SLC27A6: variants seen among roughly 807,000 people sequenced by gnomAD.
The protein encoded by SLC27A6 is solute carrier family 27 member 6, also known as long-chain fatty acid transport protein 6.
SLC27A6 carries 74 observed loss-of-function variants against 63.9 expected under a neutral mutation model. The observed-to-expected ratio is 1.16, with a 90% CI of 0.96 to 1.40. The LOEUF (loss-of-function observed/expected upper bound fraction) is 1.40, where lower values mean the gene tolerates loss of function less well. Ranked by LOEUF, SLC27A6 falls within the 40% of genes most tolerant of loss-of-function variation. The pLI is 0.00. For missense variants in SLC27A6, 794 were observed against 732.9 expected (o/e 1.08, Z -0.96); for synonymous variants, 287 against 260.8 (o/e 1.10, Z -0.97).
At position 128,967,102 on chromosome 5, in the gene SLC27A6, G is replaced by A. The variant is rs1749933065; in HGVS notation, c.481+484G>A. Among the ~76,000 whole-genome samples the A allele has an allele frequency of 4.6e-5, 7 of 152,268 alleles. No homozygotes were observed. The South Asian group carries it at 1.2e-3, about 27-fold the overall frequency. On this transcript the variant is annotated intron_variant, in intron 1 of 9. Coordinates refer to ENST00000262462, the MANE Select transcript of SLC27A6 (RefSeq NM_001017372.3). ...TTATTTTATACTGTCTGCAAGCTAG[G>A]ACTTGCCTAGCAAGGTTGCGCTCCC...
rs150433123 is a variant in SLC27A6 at position 129,002,306 on chromosome 5, G to T, written c.969+11842G>T. Among the ~76,000 whole-genome samples, 616 of 152,256 alleles carry T rather than the reference G, an allele frequency of 4.0e-3. 3 individuals are homozygous for T. The highest frequency in any genetic ancestry group is 4.8e-3 in the Non-Finnish European group (329 of 68,016). On this transcript the variant is annotated intron_variant, in intron 4 of 9. Coordinates refer to ENST00000262462, the MANE Select transcript of SLC27A6 (RefSeq NM_001017372.3). ...ATTCCAGTACTTTTTCAGCTTCATTGAGTAAAGAACAAAACCACTGAATTA... is the reference window on the plus strand; with the variant it reads ...ATTCCAGTACTTTTTCAGCTTCATTTAGTAAAGAACAAAACCACTGAATTA...
rs935389262 is a variant in SLC27A6, at chr5:129,013,832, T to C, written c.970-2053T>C. On this transcript the variant is annotated intron_variant, in intron 4 of 9. Transcript: ENST00000262462. ...TGGCATGTTCTTTGCGTCTCATATG[T>C]CTTTTACTTCCTTTTACATATTTTT... 4.6e-5 allele frequency among the ~76,000 whole-genome samples: 7 copies of C among 152,270 alleles called. No individual in the cohort carries two copies. In the East Asian group the frequency reaches 1.2e-3, roughly 25 times the overall value.
At chr5:129,014,799 AC>A (rs1033196893) in intron 4 of SLC27A6, among the ~76,000 whole-genome samples, 3 of 152,050 alleles carry the variant, frequency 2.0e-5, no homozygotes, top group Admixed American at 6.6e-5. Context: ...ACTTTCAGGA[AC>A]CCTTGTCGAG....
intron 4 of SLC27A6, among the ~76,000 whole-genome samples, chr5:128,996,357 C>T (rs1751160265): frequency 6.6e-6 from 1 of 152,046 alleles, no homozygotes; most frequent in African/African-American, 2.4e-5. Flanking sequence ...TAAGAAATTC[C>T]CTGGGAGCCA....
At chr5:129,009,924 G>A (rs543664283) in intron 4 of SLC27A6, among the ~76,000 whole-genome samples, 10 of 152,070 alleles carry the variant, frequency 6.6e-5, no homozygotes, top group African/African-American at 9.7e-5. Context: ...CAATCCACCC[G>A]CCTCAGCCTC....
intron 4 of SLC27A6, among the ~76,000 whole-genome samples, chr5:128,990,822 AG>A (rs1446274817): frequency 1.3e-5 from 2 of 152,236 alleles, no homozygotes; most frequent in East Asian, 3.9e-4. Flanking sequence ...TTAGCCATTC[AG>A]GAACAATGGC....
chr5:128,989,579 T>A (rs1012138569), intron 3 of SLC27A6, among the ~76,000 whole-genome samples: 3 of 152,144 alleles, frequency 2.0e-5, no homozygotes, highest in Admixed American at 6.5e-5. Context: ...TTTAAGAACT[T>A]TTTTGTTAGT....
Position 128,985,168 on chromosome 5 carries a change from C to G in SLC27A6, c.517C>G (p.Leu173Val). The change falls in exon 2 of 10, where the codon CTC becomes GTC. Residue 173 changes from leucine to valine, a missense_variant. Physicochemically the swap from Leu to Val is conservative, Grantham distance 32 (BLOSUM62 1). Coordinates refer to ENST00000262462, the MANE Select transcript of SLC27A6 (RefSeq NM_001017372.3). ...AACGGTAGAAGAAATCCTTCCAAGC[C>G]TCTCAGAAAATATCAGTGTTTGGGG... ...LGTVEEILPSLSENISVWGMK... is the reference protein window; with the variant it reads ...LGTVEEILPSVSENISVWGMK... 3 of 1,613,932 alleles carry G rather than the reference C, an allele frequency of 1.9e-6. No individual in the cohort carries two copies. Among genetic ancestry groups the G allele is most frequent in the Non-Finnish European group, 2.5e-6 (3 of 1,179,924 alleles).
At chr5:128,990,311 C>A in intron 3 of SLC27A6, 29 bp from the exon 4 acceptor site, 4 of 1,603,722 alleles carry the variant, frequency 2.5e-6, no homozygotes, top group Non-Finnish European at 3.4e-6. Context: ...ATTTTTTTCC[C>A]TAGTGCCTGT....
Position 128,966,201 on chromosome 5 carries a change from C to T in SLC27A6, c.64C>T (p.Leu22Phe). 1 of 1,595,948 alleles carries T rather than the reference C, an allele frequency of 6.3e-7. No individual in the cohort carries two copies. Among genetic ancestry groups the T allele is most frequent in the Non-Finnish European group, 8.6e-7 (1 of 1,168,288 alleles). The part of the protein sequence containing the change: ...GMVVLHFLQK[L>F]LFPYFWDDFW... ...GGTCGTCCTGCACTTCTTGCAGAAA[C>T]TCCTGTTCCCTTACTTTTGGGATGA... is the stretch of plus-strand genomic sequence containing the variant. The change falls in exon 1 of 10, where the codon CTC becomes TTC. Residue 22 changes from leucine to phenylalanine, a missense_variant. Leu to Phe is a conservative substitution (Grantham distance 22). Coordinates refer to ENST00000262462, the MANE Select transcript of SLC27A6 (RefSeq NM_001017372.3).
chr5:128,968,831 C>A (rs570310487), intron 1 of SLC27A6, among the ~76,000 whole-genome samples: 1 of 152,264 alleles, frequency 6.6e-6, no homozygotes, highest in South Asian at 2.1e-4. Context: ...GACATGAAGT[C>A]CTTGCCCATG....
rs1038687950 is a variant in SLC27A6, at chr5:128,966,759, A to T, written c.481+141A>T. On this transcript the variant is annotated intron_variant, in intron 1 of 9. Transcript: ENST00000262462. ...GTTAAGAGTACAAAATAGTTTTATG[A>T]TTCTATGCTGGTTTAACAACTGTCT... The T allele has an allele frequency of 4.5e-6, 4 of 891,026 alleles. No individual in the cohort carries two copies. In the Admixed American group the frequency reaches 1.5e-4, roughly 34 times the overall value. 55.2% of individuals were successfully genotyped at this position (891,026 alleles called of 1,614,324 possible).
In SLC27A6 at chr5:128,985,261, C is replaced by T; in HGVS notation, c.610C>T (p.Pro204Ser). The T allele has an allele frequency of 6.2e-7, 1 of 1,614,082 alleles. No individual in the cohort carries two copies. The highest frequency in any genetic ancestry group is 8.5e-7 in the Non-Finnish European group (1 of 1,179,996). The change falls in exon 2 of 10, where the codon CCC becomes TCC. Residue 204 changes from proline to serine, a missense_variant. By Grantham distance (74) the Pro-to-Ser change is moderately conservative. Coordinates refer to ENST00000262462, the MANE Select transcript of SLC27A6 (RefSeq NM_001017372.3). ...AAAACTGAGCACCTCACCTGATGAGCCCGTGCCACGCAGCCACCATGTTGT... is the reference window on the plus strand; with the variant it reads ...AAAACTGAGCACCTCACCTGATGAGTCCGTGCCACGCAGCCACCATGTTGT... ...KEKLSTSPDE[P>S]VPRSHHVVSL... is the part of the protein sequence containing the mutation.
At chr5:129,009,566 T>C (rs893131780) in intron 4 of SLC27A6, among the ~76,000 whole-genome samples, 4 of 152,214 alleles carry the variant, frequency 2.6e-5, no homozygotes, top group African/African-American at 9.7e-5. Flanking sequence ...CTTTTCTCTT[T>C]TCATTCCTTA....
chr5:129,023,667 A>C lies in SLC27A6; in HGVS notation c.1212A>C (p.Glu404Asp). The change falls in exon 6 of 10, where the codon GAA becomes GAC. Residue 404 changes from glutamate to aspartate, a missense_variant. Coordinates refer to ENST00000262462, the MANE Select transcript of SLC27A6 (RefSeq NM_001017372.3). Reference protein sequence around the residue: ...DLIKYDFQKDEPMRNEQGWCI... With the variant: ...DLIKYDFQKDDPMRNEQGWCI... ...TAAAGTATGACTTTCAGAAAGATGA[A>C]CCCATGAGAAATGAGCAGGGTTGGT... The C allele has an allele frequency of 6.2e-7, 1 of 1,610,820 alleles. No homozygotes were observed. The highest frequency in any genetic ancestry group is 1.1e-5 in the South Asian group (1 of 90,596).
chr5:129,012,838 A>G (rs1390443699), intron 4 of SLC27A6, among the ~76,000 whole-genome samples: 1 of 151,934 alleles, frequency 6.6e-6, no homozygotes, highest in Non-Finnish European at 1.5e-5. Flanking sequence ...AATATTTAAG[A>G]TGTATTTTTC....
At chr5:129,007,675 T>C (rs1270963393) in intron 4 of SLC27A6, among the ~76,000 whole-genome samples, 1 of 152,194 alleles carries the variant, frequency 6.6e-6, no homozygotes, top group East Asian at 1.9e-4. Flanking sequence ...TGAAGAGGTA[T>C]CCATCTCCCT....
At chr5:128,989,691 G>A (rs1050680629) in intron 3 of SLC27A6, among the ~76,000 whole-genome samples, 8 of 152,236 alleles carry the variant, frequency 5.3e-5, no homozygotes, top group African/African-American at 1.9e-4. Context: ...TTGGGAGGCT[G>A]AGGCAGGTGG....
intron 1 of SLC27A6, among the ~76,000 whole-genome samples, chr5:128,975,319 C>A (rs1462634610): frequency 6.6e-6 from 1 of 152,184 alleles, no homozygotes; most frequent in African/African-American, 2.4e-5. Flanking sequence ...CAACTACACT[C>A]CGGTCTGGGG....
Sources: gnomAD v4.1 joint callset for allele counts (sites outside exome capture counted in the v4.1 genomes callset) on GRCh38, gnomAD v4.1.1 for gene constraint, MANE v1.5 for transcripts, NCBI Gene and HGNC (gene_info 2026-07-23, HGNC 2026-07-21) for gene names.